The following NDRG1 variants were observed in gnomAD, a reference collection of about 807,000 sequenced individuals.
NDRG1 encodes the protein protein NDRG1.
Under a neutral mutation model 56.9 loss-of-function variants are expected in NDRG1, and 32 were observed. The ratio of observed to expected loss-of-function variants is 0.56; its 90% CI spans 0.42 to 0.76. The LOEUF (loss-of-function observed/expected upper bound fraction) is 0.76. Ranked by LOEUF, NDRG1 falls within the 30% of genes least tolerant of loss-of-function variation. NDRG1 has a pLI of 0.00. For synonymous variants in NDRG1, 211 were observed against 204.1 expected, an observed-to-expected ratio of 1.03 and a Z score of -0.29; for missense variants, 507 against 545.7, an observed-to-expected ratio of 0.93 and a Z score of 0.71.
At chr8:133,264,378 G>C (rs188174403) in intron 4 of NDRG1, among the ~76,000 whole-genome samples, 169 bp downstream of exon 4, 2 of 152,216 alleles carry the variant, frequency 1.3e-5, no homozygotes, top group African/African-American at 4.8e-5. Context: ...CACATGCAGC[G>C]CATTTCTGGC....
chr8:133,279,146 T>G (rs1448626778), intron 3 of NDRG1, among the ~76,000 whole-genome samples: 1 of 152,216 alleles, frequency 6.6e-6, no homozygotes, highest in African/African-American at 2.4e-5. Flanking sequence ...TGCCTCGGCC[T>G]TCCAAAGTGC....
At chr8:133,248,032 T>G (rs1855790453) in intron 11 of NDRG1, 106 bp from the exon 12 acceptor site, 1 of 1,125,654 alleles carries the variant, frequency 8.9e-7, no homozygotes, top group Non-Finnish European at 1.4e-6. Context: ...AATGTCATTT[T>G]GGTTTCCCCA....
intron 1 of NDRG1, chr8:133,285,008 T>C (rs1858028923): frequency 1.6e-5 from 6 of 375,478 alleles, no homozygotes; most frequent in South Asian, 9.8e-5. Flanking sequence ...AAGCACTTCC[T>C]GGATCAAAGC....
rs772247399 is a variant in NDRG1 at position 133,246,701 on chromosome 8, G to GAAGGCA, written c.808-39_808-38insTGCCTT. On this transcript the variant is annotated intron_variant, in intron 12 of 15. Transcript: ENST00000323851. Reference sequence around the variant, plus strand: ...GAGGAAATCTGTTAATTTTCTACGTGAAGCCAAAGCCAAAACATCTCCCCC... The same window carrying GAAGGCA: ...GAGGAAATCTGTTAATTTTCTACGTGAAGGCAAAGCCAAAGCCAAAACATCTCCCCC... 3.2e-5 allele frequency: 52 copies of GAAGGCA among 1,605,478 alleles called. No individual in the cohort carries two copies. The Middle Eastern group carries it at 2.6e-3, about 81-fold the overall frequency.
At chr8:133,296,685 C>CCAGACA (rs1293485299) in intron 1 of NDRG1, 2 of 374,400 alleles carry the variant, frequency 5.3e-6, no homozygotes, top group East Asian at 1.6e-4. Context: ...CTCTCCGTTC[C>CCAGACA]CAGACACAGA....
chr8:133,283,247 G>A (rs896882999), intron 2 of NDRG1, among the ~76,000 whole-genome samples: 1 of 152,212 alleles, frequency 6.6e-6, no homozygotes, highest in African/African-American at 2.4e-5. Flanking sequence ...AAATACGGTC[G>A]GCGGAGAAGC....
At chr8:133,259,063 CAACCTT>C (rs1368036783) in intron 6 of NDRG1, 99 bp downstream of exon 6, 1 of 1,225,298 alleles carries the variant, frequency 8.2e-7, no homozygotes, top group African/African-American at 1.5e-5. Flanking sequence ...CTCTAAATTG[CAACCTT>C]AATTTTAGTG....
At position 133,296,767 on chromosome 8, in the gene NDRG1, C is replaced by A. The variant is rs77890421; in HGVS notation, c.-19+367G>T. ...CCCTTCTGCACCCACGTCCAGCGCG[C>A]ACCCCTGCCAGCGGCGCCAGCTGGG... On this transcript the variant is annotated intron_variant, in intron 1 of 15. Transcript: ENST00000323851. 15,981 of 223,698 alleles carry A rather than the reference C, an allele frequency of 0.071. 800 individuals carry two copies. Among genetic ancestry groups the A allele is most frequent in the Non-Finnish European group, 0.093 (9,718 of 104,642 alleles). 13.9% of individuals were successfully genotyped at this position (223,698 alleles called of 1,614,324 possible).
At chr8:133,262,830 G>C (rs1181815899) in intron 4 of NDRG1, among the ~76,000 whole-genome samples, 1 of 152,144 alleles carries the variant, frequency 6.6e-6, no homozygotes, top group East Asian at 1.9e-4. Context: ...GATTCTCTAA[G>C]ATCCTCTAAG....
rs552649991 is a variant in NDRG1, at chr8:133,274,928, C to T, written c.99+5304G>A. 3.9e-5 allele frequency among the ~76,000 whole-genome samples: 6 copies of T among 152,282 alleles called. No individual in the cohort carries two copies. In the East Asian group the frequency reaches 1.2e-3, roughly 29 times the overall value. ...GATTCAGCAAGAGGGCGTGGGAGGC[C>T]CTCAGTGCTGGCCTGGCTCATCAGA... On this transcript the variant is annotated intron_variant, in intron 3 of 15. Coordinates refer to ENST00000323851, the MANE Select transcript of NDRG1 (RefSeq NM_006096.4).
intron 13 of NDRG1, among the ~76,000 whole-genome samples, chr8:133,245,303 T>C (rs948229593): frequency 1.3e-5 from 2 of 152,136 alleles, no homozygotes; most frequent in Admixed American, 6.6e-5. Flanking sequence ...ACCTACCCTT[T>C]GCTGTAGGTT....
chr8:133,255,078 TC>T, intron 8 of NDRG1: 2 of 338,892 alleles, frequency 5.9e-6, no homozygotes, highest in Non-Finnish European at 5.9e-6. Flanking sequence ...AATCTTCTTT[TC>T]CTACCTCTCC....
At chr8:133,250,596 G>T in intron 9 of NDRG1, 53 bp from the exon 10 acceptor site, 1 of 1,395,576 alleles carries the variant, frequency 7.2e-7, no homozygotes, top group Non-Finnish European at 1.0e-6. Context: ...GCCCTGAGCT[G>T]GTCACTACTC....
At chr8:133,293,955 G>A (rs559202412) in intron 1 of NDRG1, among the ~76,000 whole-genome samples, 2 of 152,322 alleles carry the variant, frequency 1.3e-5, no homozygotes, top group East Asian at 3.9e-4. Context: ...TGCCTGCCAA[G>A]AAGATGCCTT....
chr8:133,250,908 T>TAAAA lies in NDRG1; in HGVS notation c.595-369_595-366dup, dbSNP rs75259677. Among the ~76,000 whole-genome samples, 6 of 124,858 alleles carry TAAAA rather than the reference T, an allele frequency of 4.8e-5. 1 individual carries two copies. The highest frequency in any genetic ancestry group is 4.1e-3 in the Middle Eastern group (1 of 242). The allele number at this position is 124,858 out of a possible 152,430, so 81.9% of individuals were successfully genotyped here. On this transcript the variant is annotated intron_variant, in intron 9 of 15. Transcript: ENST00000323851. ...CAACCTCTCTGAGCCTCAGATCTCT[T>TAAAA]AAAAAAAAAAAAAAAAAAAAGGGAA...
chr8:133,262,221 T>A, intron 4 of NDRG1, 54 bp from the exon 5 acceptor site: 1 of 1,606,292 alleles, frequency 6.2e-7, no homozygotes. Flanking sequence ...AGAAAAAAAT[T>A]AGGTGTCTCG....
In NDRG1 at chr8:133,259,276, C is replaced by A. The variant is rs376646094; in HGVS notation, c.327-46G>T. On this transcript the variant is annotated intron_variant, in intron 5 of 15. Transcript: ENST00000323851. The stretch of plus-strand genomic sequence containing the variant: ...CCATTAGTGAGCGCCCGGACAGAAA[C>A]GGGTAATCCAAACAGGGACACGCTT... The A allele has an allele frequency of 2.4e-5, 38 of 1,588,668 alleles. No homozygotes were observed. In the African/African-American group the frequency reaches 3.5e-4, roughly 15 times the overall value.
chr8:133,287,963 A>T (rs972581094), intron 1 of NDRG1, among the ~76,000 whole-genome samples: 11 of 151,446 alleles, frequency 7.3e-5, no homozygotes, highest in South Asian at 4.2e-4. Flanking sequence ...ACACACACAC[A>T]CTCTCAAATG....
chr8:133,282,478 A>G (rs1486656990), intron 2 of NDRG1, among the ~76,000 whole-genome samples: 1 of 152,236 alleles, frequency 6.6e-6, no homozygotes, highest in East Asian at 1.9e-4. Flanking sequence ...TGAATAAAGC[A>G]AAGTGTGGGA....
Sources: gnomAD v4.1 joint callset for allele counts (sites outside exome capture counted in the v4.1 genomes callset) on GRCh38, gnomAD v4.1.1 for gene constraint, MANE v1.5 for transcripts, NCBI Gene and HGNC (gene_info 2026-07-23, HGNC 2026-07-21) for gene names.